Variants in LRRC4C observed in about 807,000 individuals in gnomAD.
LRRC4C encodes the protein leucine-rich repeat-containing protein 4C.
In LRRC4C, 5 loss-of-function variants were observed where a neutral mutation model predicts 33.6. That is an observed-to-expected ratio of 0.15 (90% CI 0.08 to 0.31). The LOEUF is 0.31. LRRC4C is among the 10% of genes least tolerant of loss of function. LRRC4C has a pLI of 1.00. For missense variants in LRRC4C, 560 were observed against 796.7 expected (o/e 0.70, Z 3.58); for synonymous variants, 329 against 302.0 (o/e 1.09, Z -0.93).
At chr11:41,316,509 C>T (rs1950802413) in intron 1 of LRRC4C, among the ~76,000 whole-genome samples, 1 of 152,002 alleles carries the variant, frequency 6.6e-6, no homozygotes, top group African/African-American at 2.4e-5. Context: ...TTATATATCA[C>T]CTACAGGAAT....
intron 5 of LRRC4C, among the ~76,000 whole-genome samples, chr11:40,216,894 C>G (rs530652204): frequency 1.3e-5 from 2 of 152,104 alleles, no homozygotes; most frequent in African/African-American, 4.8e-5. Flanking sequence ...TGATTACAGG[C>G]AGAGAGCAGC....
At chr11:40,184,392 C>A (rs116221900) in intron 5 of LRRC4C, among the ~76,000 whole-genome samples, 85 of 152,066 alleles carry the variant, frequency 5.6e-4, no homozygotes, top group Admixed American at 2.9e-3. Context: ...CTCTTTTGAG[C>A]GGATTAGAGG....
chr11:40,843,498 T>C (rs1031742462), intron 2 of LRRC4C, among the ~76,000 whole-genome samples: 1 of 152,176 alleles, frequency 6.6e-6, no homozygotes, highest in Non-Finnish European at 1.5e-5. Flanking sequence ...GTCTCAAGTT[T>C]GGATTTTCTC....
intron 3 of LRRC4C, among the ~76,000 whole-genome samples, chr11:40,639,514 A>C (rs1941979411): frequency 6.6e-6 from 1 of 152,208 alleles, no homozygotes; most frequent in Admixed American, 6.5e-5. Flanking sequence ...TGTTATTTTC[A>C]AGTATATGAA....
intron 1 of LRRC4C, among the ~76,000 whole-genome samples, chr11:41,229,846 G>C (rs1007524028): frequency 6.6e-6 from 1 of 151,954 alleles, no homozygotes; most frequent in Non-Finnish European, 1.5e-5. Context: ...TTTGATTACT[G>C]ATCTTACCTT....
chr11:41,308,809 C>CT (rs887237352), intron 1 of LRRC4C, among the ~76,000 whole-genome samples: 449 of 142,592 alleles, frequency 3.1e-3, no homozygotes, highest in Non-Finnish European at 4.7e-3. Context: ...CTCTTTTTTT[C>CT]TTTTTTTTTT....
At chr11:41,091,163 T>C (rs1940390384) in intron 1 of LRRC4C, among the ~76,000 whole-genome samples, 1 of 151,938 alleles carries the variant, frequency 6.6e-6, no homozygotes, top group Non-Finnish European at 1.5e-5. Flanking sequence ...TATTACATAA[T>C]AATACATTAC....
rs200419427 is a variant in LRRC4C, at chr11:41,306,028, A to AG, written c.-496+153402_-496+153403insC. 6.2e-3 allele frequency among the ~76,000 whole-genome samples: 643 copies of AG among 102,946 alleles called. 3 individuals are homozygous for AG. Among genetic ancestry groups the AG allele is most frequent in the African/African-American group, 0.017 (565 of 33,540 alleles). The allele number at this position is 102,946 out of a possible 152,430, so 67.5% of individuals were successfully genotyped here. A position where few individuals can be genotyped will look rare whatever the true frequency, so the allele number is the denominator to read the frequency against. On this transcript the variant is annotated intron_variant, in intron 1 of 6. Coordinates refer to ENST00000528697, the MANE Select transcript of LRRC4C (RefSeq NM_001258419.2). Reference sequence around the variant, plus strand: ...CCCCCTTATTTCTTTCTCTAAAAAAAAAAAAAAAAAAAGAAAGAAAAATAC... The same window carrying AG: ...CCCCCTTATTTCTTTCTCTAAAAAAAGAAAAAAAAAAAAGAAAGAAAAATAC...
chr11:40,420,212 G>A (rs1263284166), intron 3 of LRRC4C, among the ~76,000 whole-genome samples: 2 of 152,118 alleles, frequency 1.3e-5, no homozygotes, highest in African/African-American at 2.4e-5. Flanking sequence ...ATTGACCAAG[G>A]GACCCAGCTG....
At chr11:40,236,492 G>A (rs1865568322) in intron 5 of LRRC4C, among the ~76,000 whole-genome samples, 2 of 152,154 alleles carry the variant, frequency 1.3e-5, no homozygotes, top group African/African-American at 2.4e-5. Context: ...CATGGGCATA[G>A]AGAAACCTAT....
intron 1 of LRRC4C, among the ~76,000 whole-genome samples, chr11:40,985,001 A>G (rs1006626202): frequency 7.2e-5 from 10 of 138,958 alleles, no homozygotes; most frequent in African/African-American, 2.4e-4. Context: ...TCCCAGGTTC[A>G]AGCGATTCTC....
rs183309173 is a variant in LRRC4C at position 41,120,905 on chromosome 11, C to T, written c.-495-187182G>A. ...TGTGGCACTTCCCCCTTTGCTCTCT[C>T]TTTATCCTACTCTGCCCTGGTAAGA... On this transcript the variant is annotated intron_variant, in intron 1 of 6. Transcript: ENST00000528697. 1.1e-3 allele frequency among the ~76,000 whole-genome samples: 169 copies of T among 152,226 alleles called. 1 individual carries two copies. Among genetic ancestry groups the T allele is most frequent in the African/African-American group, 3.8e-3 (158 of 41,546 alleles).
intron 1 of LRRC4C, among the ~76,000 whole-genome samples, chr11:41,318,574 T>A (rs1427500938): frequency 6.6e-6 from 1 of 152,194 alleles, no homozygotes; most frequent in Non-Finnish European, 1.5e-5. Context: ...TTTCTCACCA[T>A]CCCTCAACTC....
chr11:40,834,907 GACAGACACACAC>G (rs1286292289), intron 2 of LRRC4C, among the ~76,000 whole-genome samples: 3 of 45,296 alleles, frequency 6.6e-5, no homozygotes, highest in Middle Eastern at 0.012. Context: ...CAGACAGACA[GACAGACACACAC>G]ACACACACAC....
intron 3 of LRRC4C, among the ~76,000 whole-genome samples, chr11:40,631,318 C>A (rs993327667): frequency 2.6e-5 from 4 of 152,136 alleles, no homozygotes; most frequent in African/African-American, 9.7e-5. Context: ...TCTGGCATGG[C>A]AAGCACATTC....
chr11:41,049,036 C>G (rs75319525), intron 1 of LRRC4C, among the ~76,000 whole-genome samples: 2,105 of 152,204 alleles, frequency 0.014, 31 homozygotes, highest in African/African-American at 0.032. Context: ...AGGCCATTGT[C>G]AGAAGTAAAA....
At chr11:40,859,803 G>A (rs959196210) in intron 2 of LRRC4C, among the ~76,000 whole-genome samples, 3 of 152,280 alleles carry the variant, frequency 2.0e-5, no homozygotes, top group African/African-American at 7.2e-5. Flanking sequence ...GAGGCCGGAC[G>A]CGGTGGCTCA....
At chr11:40,483,327 A>G (rs1447597355) in intron 3 of LRRC4C, among the ~76,000 whole-genome samples, 2 of 152,190 alleles carry the variant, frequency 1.3e-5, no homozygotes, top group African/African-American at 4.8e-5. Context: ...CCAGGGGCTA[A>G]AAATATCTGG....
intron 3 of LRRC4C, among the ~76,000 whole-genome samples, chr11:40,554,895 G>A (rs1196029565): frequency 2.0e-5 from 3 of 149,828 alleles, no homozygotes; most frequent in African/African-American, 7.6e-5. Context: ...CTAATTTTTT[G>A]TATTTTTAGT....
Sources: gnomAD v4.1 joint callset for allele counts (sites outside exome capture counted in the v4.1 genomes callset) on GRCh38, gnomAD v4.1.1 for gene constraint, MANE v1.5 for transcripts, NCBI Gene and HGNC (gene_info 2026-07-23, HGNC 2026-07-21) for gene names.